Variants in STX1A observed in about 807,000 individuals in gnomAD.
STX1A encodes syntaxin 1A, also known as syntaxin-1A.
In STX1A, 4 loss-of-function variants were observed where a neutral mutation model predicts 37.8. The ratio of observed to expected loss-of-function variants is 0.11; its 90% CI spans 0.05 to 0.24. STX1A has a LOEUF of 0.24. Among genes scored for constraint, STX1A ranks in the 10% least tolerant of loss-of-function variants. The pLI, the probability that STX1A is intolerant of heterozygous loss-of-function variation, is 1.00. For missense variants in STX1A, 251 were observed against 399.9 expected (o/e 0.63, Z 3.18); for synonymous variants, 135 against 147.4 (o/e 0.92, Z 0.61).
At chr7:73,714,651 C>T (rs1330543071) in intron 1 of STX1A, among the ~76,000 whole-genome samples, 1 of 152,102 alleles carries the variant, frequency 6.6e-6, no homozygotes, top group African/African-American at 2.4e-5. Flanking sequence ...CTTCCCGCCT[C>T]AGCCTCCCAA....
rs202064998 is a variant in STX1A, at chr7:73,700,734, C to G, written c.785G>C (p.Arg262Pro). The G allele has an allele frequency of 6.2e-7, 1 of 1,613,394 alleles. No individual in the cohort carries two copies. The highest frequency in any genetic ancestry group is 1.3e-5 in the African/African-American group (1 of 74,820). ...GGGCAGGGCTGGGCTACTGACCCGGCGCGCCTTGCTCTGGTACTTGACGGC... is the reference window on the plus strand; with the variant it reads ...GGGCAGGGCTGGGCTACTGACCCGGGGCGCCTTGCTCTGGTACTTGACGGC... ...KKAVKYQSKA[R>P]RKKIMIIICC... Residue 262 changes from arginine (R) to proline (P), a missense_variant, in exon 9 of 10, where the codon CGC (arginine) becomes CCC (proline). This residue lies in a region of STX1A where 214 missense variants were observed against 367.6 expected (regional missense o/e 0.58). Transcript: ENST00000222812. The surrounding 1 kb of genome is among the most constrained non-coding windows in gnomAD (Gnocchi z 4.4).
chr7:73,716,138 C>T (rs1275025706), intron 1 of STX1A, among the ~76,000 whole-genome samples: 1 of 152,238 alleles, frequency 6.6e-6, no homozygotes, highest in Non-Finnish European at 1.5e-5. Flanking sequence ...TCCACCTGCA[C>T]CCCAGATGAA....
At position 73,702,248 on chromosome 7, in the gene STX1A, A is replaced by G. The variant is rs574078610; in HGVS notation, c.678+597T>C. ...GCCTTCCTTGACCACTCACTCCAAC[A>G]AAGGCAGCCGCCCCATCGTGGTCAC... On this transcript the variant is annotated intron_variant, in intron 8 of 9. Coordinates refer to ENST00000222812, the MANE Select transcript of STX1A (RefSeq NM_004603.4). This position sits in a 1 kb window ranked among gnomAD's most constrained non-coding sequence, Gnocchi z 4.7. Among the ~76,000 whole-genome samples the G allele has an allele frequency of 3.3e-5, 5 of 152,106 alleles. No homozygotes were observed. The highest frequency in any genetic ancestry group is 6.5e-5 in the Admixed American group (1 of 15,282).
chr7:73,715,407 C>A (rs868913650), intron 1 of STX1A, among the ~76,000 whole-genome samples: 1 of 151,374 alleles, frequency 6.6e-6, no homozygotes, highest in Non-Finnish European at 1.5e-5. Flanking sequence ...GGAGACAGTG[C>A]GAGACTCCGT....
intron 1 of STX1A, among the ~76,000 whole-genome samples, chr7:73,715,695 G>A (rs1799268529): frequency 6.6e-6 from 1 of 152,232 alleles, no homozygotes; most frequent in Non-Finnish European, 1.5e-5. Context: ...GCGTGTCCCA[G>A]GGGAAGCCAC....
chr7:73,717,045 G>A lies in STX1A; in HGVS notation c.30+2557C>T, dbSNP rs1246114776. On this transcript the variant is annotated intron_variant, in intron 1 of 9. Coordinates refer to ENST00000222812, the MANE Select transcript of STX1A (RefSeq NM_004603.4). The surrounding 1 kb of genome is among the most constrained non-coding windows in gnomAD (Gnocchi z 4.1). Reference sequence around the variant, plus strand: ...TCCCCATCTGCAGAGGGAGAGTTGGGAGCTGGAGAAGGCTGGAGAAGGCTG... The same window carrying A: ...TCCCCATCTGCAGAGGGAGAGTTGGAAGCTGGAGAAGGCTGGAGAAGGCTG... Among the ~76,000 whole-genome samples the A allele has an allele frequency of 3.9e-5, 6 of 152,196 alleles. No homozygotes were observed. The highest frequency in any genetic ancestry group is 7.3e-5 in the Non-Finnish European group (5 of 68,044).
At chr7:73,703,621 G>C in intron 7 of STX1A, 134 bp downstream of exon 7, 1 of 1,058,888 alleles carries the variant, frequency 9.4e-7, no homozygotes, top group Non-Finnish European at 1.4e-6. Flanking sequence ...TCCCCTCTCT[G>C]GGACTCTTCC....
rs1584251210 is a variant in STX1A at position 73,709,408 on chromosome 7, T to A, written c.31-286A>T. On this transcript the variant is annotated intron_variant, in intron 1 of 9. Transcript: ENST00000222812. This position sits in a 1 kb window ranked among gnomAD's most constrained non-coding sequence, Gnocchi z 4.2. ...CTCCCTCACCTATCTGCCTGCCCCC[T>A]CCCTGTGGCTGGGGAGGCAAGCGAG... Among the ~76,000 whole-genome samples, 1 of 152,090 alleles carries A rather than the reference T, an allele frequency of 6.6e-6. No homozygotes were observed. The highest frequency in any genetic ancestry group is 6.6e-5 in the Admixed American group (1 of 15,266).
At chr7:73,708,897 A>C in intron 2 of STX1A, 148 bp downstream of exon 2, 3 of 967,602 alleles carry the variant, frequency 3.1e-6, no homozygotes, top group Non-Finnish European at 3.3e-6. Context: ...GCTTCCATCT[A>C]TTCACCCTCA....
At chr7:73,710,668 A>G (rs1368494389) in intron 1 of STX1A, among the ~76,000 whole-genome samples, 8 of 152,074 alleles carry the variant, frequency 5.3e-5, no homozygotes, top group Admixed American at 5.2e-4. Context: ...CAGGTGATCC[A>G]CCCGCCTCGG....
At chr7:73,718,146 T>G (rs782381525) in intron 1 of STX1A, among the ~76,000 whole-genome samples, 1 of 152,112 alleles carries the variant, frequency 6.6e-6, no homozygotes, top group Non-Finnish European at 1.5e-5. Context: ...TCAGGAAACT[T>G]GAGGGCAACC....
chr7:73,703,131 C>T, intron 7 of STX1A, 149 bp from the exon 8 acceptor site: 1 of 680,078 alleles, frequency 1.5e-6, no homozygotes, highest in Admixed American at 2.9e-5. Context: ...GCCTTGCTAC[C>T]TGGCTCTGCC....
chr7:73,708,671 G>A lies in STX1A; in HGVS notation c.126C>T (p.Gly42=), dbSNP rs1430239479. ...CGTTCTCTGCGATCTTGTCAATGAAGCCTCGAATCTCCTCCACCTGCGGAC... is the reference window on the plus strand; with the variant it reads ...CGTTCTCTGCGATCTTGTCAATGAAACCTCGAATCTCCTCCACCTGCGGAC... ...EFFEQVEEIR[G]FIDKIAENVE... is the part of the protein sequence containing the mutation. The change falls in exon 3 of 10, where the codon GGC becomes GGT. Residue 42 remains glycine, a synonymous_variant. Transcript: ENST00000222812. 5.0e-6 allele frequency: 8 copies of A among 1,613,972 alleles called. No individual in the cohort carries two copies. Among genetic ancestry groups the A allele is most frequent in the South Asian group, 2.2e-5 (2 of 91,048 alleles).
chr7:73,702,592 A>G lies in STX1A; in HGVS notation c.678+253T>C, dbSNP rs537899110. 2,030 of 1,147,752 alleles carry G rather than the reference A, an allele frequency of 1.8e-3. 3 individuals carry two copies. The highest frequency in any genetic ancestry group is 2.2e-3 in the Non-Finnish European group (1,854 of 841,974). 71.1% of individuals were successfully genotyped at this position (1,147,752 alleles called of 1,614,324 possible). Reference sequence around the variant, plus strand: ...CCCATGAGGAAACAGTAGTAGGGGAATGAGAGACGGCGGGGTATAGAGGGT... The same window carrying G: ...CCCATGAGGAAACAGTAGTAGGGGAGTGAGAGACGGCGGGGTATAGAGGGT... On this transcript the variant is annotated intron_variant, in intron 8 of 9. Coordinates refer to ENST00000222812, the MANE Select transcript of STX1A (RefSeq NM_004603.4). This position sits in a 1 kb window ranked among gnomAD's most constrained non-coding sequence, Gnocchi z 4.7.
chr7:73,719,653 G>T lies in STX1A; in HGVS notation c.-22C>A. ...TCATGCTCCCGGGAGTGGCAGCGGC[G>T]CCGGCTGCAGCCGTGTGAGCCCCGC... On this transcript the variant is annotated 5_prime_UTR_variant, in exon 1 of 10. Coordinates refer to ENST00000222812, the MANE Select transcript of STX1A (RefSeq NM_004603.4). 1 of 1,180,514 alleles carries T rather than the reference G, an allele frequency of 8.5e-7. No individual in the cohort carries two copies. Among genetic ancestry groups the T allele is most frequent in the African/African-American group, 1.6e-5 (1 of 62,218 alleles). The allele number at this position is 1,180,514 out of a possible 1,614,324, so 73.1% of individuals were successfully genotyped here. A position where few individuals can be genotyped will look rare whatever the true frequency, so the allele number is the denominator to read the frequency against.
Position 73,717,742 on chromosome 7 carries a change from C to T in STX1A, c.30+1860G>A, listed in dbSNP as rs1345471490. 6.6e-6 allele frequency among the ~76,000 whole-genome samples: 1 copy of T among 152,162 alleles called. No individual in the cohort carries two copies. The highest frequency in any genetic ancestry group is 2.4e-5 in the African/African-American group (1 of 41,424). ...CATTCAAAGCAAAGCCTGGCTTCAC[C>T]ATCTAATCAGGGGGCGAGGAGGTAG... On this transcript the variant is annotated intron_variant, in intron 1 of 9. Transcript: ENST00000222812. This position sits in a 1 kb window ranked among gnomAD's most constrained non-coding sequence, Gnocchi z 4.1.
At position 73,709,345 on chromosome 7, in the gene STX1A, T is replaced by A. The variant is rs1443328682; in HGVS notation, c.31-223A>T. Among the ~76,000 whole-genome samples the A allele has an allele frequency of 6.6e-6, 1 of 151,982 alleles. No homozygotes were observed. The highest frequency in any genetic ancestry group is 1.5e-5 in the Non-Finnish European group (1 of 67,946). On this transcript the variant is annotated intron_variant, in intron 1 of 9. Transcript: ENST00000222812. The surrounding 1 kb of genome is among the most constrained non-coding windows in gnomAD (Gnocchi z 4.2). The stretch of plus-strand genomic sequence containing the variant: ...AGAGGAACCTTGCCTGATACACTGG[T>A]GTCAAGGCCAAGTCTCAGCCTCTGG...
chr7:73,708,741 TG>T, intron 2 of STX1A, 53 bp from the exon 3 acceptor site: 1 of 1,578,216 alleles, frequency 6.3e-7, no homozygotes. Context: ...AGAAGCCTTC[TG>T]GGGCCCAGAG....
Position 73,719,658 on chromosome 7 carries a change from C to G in STX1A, c.-27G>C. ...CTCCCGGGAGTGGCAGCGGCGCCGG[C>G]TGCAGCCGTGTGAGCCCCGCATGCG... On this transcript the variant is annotated 5_prime_UTR_variant, in exon 1 of 10. Transcript: ENST00000222812. 1 of 1,179,642 alleles carries G rather than the reference C, an allele frequency of 8.5e-7. No homozygotes were observed. The highest frequency in any genetic ancestry group is 1.1e-6 in the Non-Finnish European group (1 of 951,242). 73.1% of individuals were successfully genotyped at this position (1,179,642 alleles called of 1,614,324 possible). A position where few individuals can be genotyped will look rare whatever the true frequency, so the allele number is the denominator to read the frequency against.
Sources: gnomAD v4.1 joint callset for allele counts (sites outside exome capture counted in the v4.1 genomes callset) on GRCh38, gnomAD v4.1.1 for gene constraint, gnomAD v4.1.1 regional missense constraint, Gnocchi (gnomAD v3.1) non-coding constraint, MANE v1.5 for transcripts, NCBI Gene and HGNC (gene_info 2026-07-23, HGNC 2026-07-21) for gene names.